The following PTPRD variants were observed in gnomAD, a reference collection of about 807,000 sequenced individuals.
PTPRD encodes the protein protein tyrosine phosphatase receptor type D, also known as receptor-type tyrosine-protein phosphatase delta.
In PTPRD, 34 loss-of-function variants were observed where a neutral mutation model predicts 214.5. The observed-to-expected ratio is 0.16, with a 90% confidence interval of 0.12 to 0.21. The LOEUF (loss-of-function observed/expected upper bound fraction) is 0.21. Ranked by LOEUF, PTPRD falls within the 10% of genes least tolerant of loss-of-function variation. The pLI is 1.00. For synonymous variants in PTPRD, 1,128 were observed against 845.7 expected (o/e 1.33, Z -5.79); for missense variants, 2,545 against 2,398.7 (o/e 1.06, Z -1.27).
intron 9 of PTPRD, among the ~76,000 whole-genome samples, chr9:9,218,295 A>G (rs2099953592): frequency 6.6e-6 from 1 of 152,150 alleles, no homozygotes; most frequent in South Asian, 2.1e-4. Flanking sequence ...CGGATTAGAT[A>G]GGCCTTGAAT....
intron 8 of PTPRD, among the ~76,000 whole-genome samples, chr9:9,549,139 A>G (rs772818746): frequency 2.0e-5 from 3 of 152,070 alleles, no homozygotes; most frequent in Non-Finnish European, 4.4e-5. Context: ...CAAACTTATA[A>G]AAGAAAAAAA....
At chr9:10,468,790 G>T (rs977530058) in intron 2 of PTPRD, among the ~76,000 whole-genome samples, 1 of 152,018 alleles carries the variant, frequency 6.6e-6, no homozygotes, top group African/African-American at 2.4e-5. Context: ...GGTATTATGA[G>T]CAAAAATGAA....
intron 3 of PTPRD, among the ~76,000 whole-genome samples, chr9:10,168,186 T>C (rs1438820426): frequency 1.3e-5 from 2 of 152,214 alleles, no homozygotes; most frequent in Non-Finnish European, 2.9e-5. Context: ...GTTGTCACAA[T>C]AAATCAAACA....
chr9:8,826,641 T>C (rs1454460103), intron 11 of PTPRD, among the ~76,000 whole-genome samples: 5 of 151,796 alleles, frequency 3.3e-5, no homozygotes, highest in South Asian at 2.1e-4. Context: ...TCTTTTTTTT[T>C]TTTTCTATAT....
At chr9:9,597,807 T>C (rs1470918090) in intron 7 of PTPRD, among the ~76,000 whole-genome samples, 1 of 152,060 alleles carries the variant, frequency 6.6e-6, no homozygotes, top group Non-Finnish European at 1.5e-5. Context: ...CATATTCATT[T>C]GAGAAATTTG....
At chr9:8,556,826 A>G (rs2083928545) in intron 14 of PTPRD, among the ~76,000 whole-genome samples, 1 of 152,180 alleles carries the variant, frequency 6.6e-6, no homozygotes, top group African/African-American at 2.4e-5. Context: ...AAGAGATAGC[A>G]TAGGTGACAG....
At chr9:10,427,921 C>T (rs966647613) in intron 2 of PTPRD, among the ~76,000 whole-genome samples, 1 of 152,038 alleles carries the variant, frequency 6.6e-6, no homozygotes, top group Non-Finnish European at 1.5e-5. Context: ...TAAGCATATT[C>T]TTTCAAAAAC....
chr9:10,479,902 C>T (rs10756041), intron 2 of PTPRD, among the ~76,000 whole-genome samples: 60,879 of 151,828 alleles, frequency 0.4, 13,658 homozygotes, highest in Admixed American at 0.58. Context: ...TCTGAAGGGG[C>T]TTGTTATTGC....
intron 10 of PTPRD, among the ~76,000 whole-genome samples, chr9:9,054,025 A>G (rs754628843): frequency 5.3e-5 from 8 of 152,194 alleles, no homozygotes; most frequent in Non-Finnish European, 1.0e-4. Context: ...CTTTAAGATT[A>G]AAGTCAAACA....
chr9:9,050,670 G>A (rs1158487738), intron 10 of PTPRD, among the ~76,000 whole-genome samples: 3 of 137,840 alleles, frequency 2.2e-5, no homozygotes, highest in Non-Finnish European at 4.7e-5. Context: ...GTGACATGAT[G>A]CATCCATGCT....
chr9:10,163,215 T>C (rs1392847785), intron 3 of PTPRD, among the ~76,000 whole-genome samples: 1 of 151,364 alleles, frequency 6.6e-6, no homozygotes, highest in Non-Finnish European at 1.5e-5. Context: ...TGATCAAATA[T>C]ATAAATTTCT....
intron 5 of PTPRD, among the ~76,000 whole-genome samples, chr9:9,901,678 T>C (rs2153809409): frequency 6.6e-6 from 1 of 152,280 alleles, no homozygotes; most frequent in East Asian, 1.9e-4. Context: ...TTAGTTCTCA[T>C]ATTACTATAA....
intron 3 of PTPRD, among the ~76,000 whole-genome samples, chr9:10,037,036 C>A (rs555074182): frequency 4.9e-4 from 74 of 152,014 alleles, no homozygotes; most frequent in African/African-American, 1.7e-3. Flanking sequence ...CAGGTATGTC[C>A]CACCATGCCT....
intron 11 of PTPRD, among the ~76,000 whole-genome samples, chr9:8,933,656 T>C (rs1288890269): frequency 3.3e-5 from 5 of 152,152 alleles, no homozygotes; most frequent in African/African-American, 1.2e-4. Context: ...CTTCTAACTA[T>C]AGAAATATTT....
chr9:8,589,823 G>A (rs1413555980), intron 14 of PTPRD, among the ~76,000 whole-genome samples: 3 of 152,176 alleles, frequency 2.0e-5, no homozygotes, highest in Non-Finnish European at 2.9e-5. Context: ...CTGTTATAAT[G>A]TTTTGTAGAT....
At chr9:9,418,043 G>T (rs1569568141) in intron 8 of PTPRD, among the ~76,000 whole-genome samples, 1 of 152,034 alleles carries the variant, frequency 6.6e-6, no homozygotes, top group Non-Finnish European at 1.5e-5. Flanking sequence ...TCTATGAAAT[G>T]TTCTGAGTCC....
chr9:10,248,510 GCA>G (rs146030246), intron 3 of PTPRD, among the ~76,000 whole-genome samples: 1 of 111,248 alleles, frequency 9.0e-6, no homozygotes. Flanking sequence ...GGTACATATA[GCA>G]AAAAAAAAAA....
At chr9:9,172,145 TC>T (rs2099921871) in intron 10 of PTPRD, among the ~76,000 whole-genome samples, 1 of 152,162 alleles carries the variant, frequency 6.6e-6, no homozygotes. Flanking sequence ...AATCTTAGCT[TC>T]TTTTGGAAAA....
At chr9:9,908,605 G>C (rs368768852) in intron 5 of PTPRD, among the ~76,000 whole-genome samples, 7 of 151,946 alleles carry the variant, frequency 4.6e-5, no homozygotes, top group Non-Finnish European at 7.4e-5. Context: ...AGGGAAATGG[G>C]TTTTAAAGAT....
Sources: allele counts gnomAD v4.1 joint callset (sites outside exome capture counted in the v4.1 genomes callset), GRCh38; gene constraint gnomAD v4.1.1; transcripts MANE v1.5; gene names NCBI Gene and HGNC (gene_info 2026-07-23, HGNC 2026-07-21).